The following SLC2A12 variants were observed in gnomAD, a reference collection of about 807,000 sequenced individuals.
SLC2A12 encodes the protein solute carrier family 2 member 12.
A neutral mutation model predicts 41.8 loss-of-function variants in SLC2A12; 23 were observed. That is an observed-to-expected ratio of 0.55 (90% CI 0.40 to 0.78). SLC2A12 has a LOEUF of 0.78. Among genes scored for constraint, SLC2A12 ranks in the 30% least tolerant of loss-of-function variants. The pLI is 0.00. For synonymous variants in SLC2A12, 295 were observed against 285.9 expected, an observed-to-expected ratio of 1.03 and a Z score of -0.32; for missense variants, 654 against 745.6, an observed-to-expected ratio of 0.88 and a Z score of 1.43.
intron 2 of SLC2A12, among the ~76,000 whole-genome samples, chr6:134,012,325 A>T (rs1008957428): frequency 1.3e-4 from 20 of 152,332 alleles, no homozygotes; most frequent in Non-Finnish European, 2.2e-4. Context: ...TTTTCAAAAA[A>T]ATATACTAAG....
rs1425285382 is a variant in SLC2A12 at position 133,987,629 on chromosome 6, T to C, written c.*3526A>G. On this transcript the variant is annotated 3_prime_UTR_variant, in exon 5 of 5. Transcript: ENST00000275230. ...GCTTCTTTTTGAAGTGTATTTTGTG[T>C]GTGTGTGTGTGTGTGTGTGTATATA... 6.9e-6 allele frequency: 1 copy of C among 144,464 alleles called. No homozygotes were observed. The highest frequency in any genetic ancestry group is 1.5e-5 in the Non-Finnish European group (1 of 66,736). 8.9% of individuals were successfully genotyped at this position (144,464 alleles called of 1,614,324 possible). A position where few individuals can be genotyped will look rare whatever the true frequency, so the allele number is the denominator to read the frequency against.
intron 1 of SLC2A12, among the ~76,000 whole-genome samples, chr6:134,039,024 A>G (rs1777345089): frequency 6.6e-6 from 1 of 152,032 alleles, no homozygotes; most frequent in South Asian, 2.1e-4. Flanking sequence ...CCTTTCTTCA[A>G]TTCAAAACTT....
At chr6:133,994,677 G>A (rs1041866895) in intron 4 of SLC2A12, among the ~76,000 whole-genome samples, 5 of 152,104 alleles carry the variant, frequency 3.3e-5, no homozygotes, top group African/African-American at 1.2e-4. Flanking sequence ...GCATTGAGCC[G>A]AGATGGCACT....
At chr6:134,010,938 A>G (rs1467192053) in intron 2 of SLC2A12, among the ~76,000 whole-genome samples, 2 of 152,022 alleles carry the variant, frequency 1.3e-5, no homozygotes, top group Non-Finnish European at 2.9e-5. Flanking sequence ...TTAACCTTCT[A>G]TGCCTTCAGA....
chr6:134,018,555 A>G (rs1450951630), intron 2 of SLC2A12, among the ~76,000 whole-genome samples: 1 of 152,014 alleles, frequency 6.6e-6, no homozygotes, highest in Admixed American at 6.6e-5. Context: ...CTCCTCCAAG[A>G]TTGTCACACT....
intron 1 of SLC2A12, among the ~76,000 whole-genome samples, chr6:134,049,536 C>T (rs1184664168): frequency 6.6e-6 from 1 of 152,200 alleles, no homozygotes; most frequent in Non-Finnish European, 1.5e-5. Flanking sequence ...GTGTGAGTTG[C>T]TCCATCCGTC....
At chr6:134,019,891 A>G (rs1477951608) in intron 2 of SLC2A12, among the ~76,000 whole-genome samples, 1 of 151,962 alleles carries the variant, frequency 6.6e-6, no homozygotes, top group Admixed American at 6.6e-5. Context: ...GCCTGGTGGT[A>G]GTGCACAACT....
chr6:133,995,863 T>C (rs1776680878), intron 4 of SLC2A12, among the ~76,000 whole-genome samples: 1 of 152,238 alleles, frequency 6.6e-6, no homozygotes, highest in Non-Finnish European at 1.5e-5. Context: ...ACAGCCTTCT[T>C]TCCATTTCTG....
intron 2 of SLC2A12, among the ~76,000 whole-genome samples, chr6:134,009,890 T>A (rs747722331): frequency 6.6e-6 from 1 of 152,006 alleles, no homozygotes; most frequent in Non-Finnish European, 1.5e-5. Flanking sequence ...GATTCCAGAT[T>A]GTAAAATCAC....
chr6:134,011,478 C>G (rs772546750), intron 2 of SLC2A12, among the ~76,000 whole-genome samples: 3 of 151,486 alleles, frequency 2.0e-5, no homozygotes, highest in Non-Finnish European at 2.9e-5. Flanking sequence ...CAAAAATTAG[C>G]CAGGTGTGGT....
chr6:134,041,351 G>A (rs951006261), intron 1 of SLC2A12, among the ~76,000 whole-genome samples: 2 of 152,146 alleles, frequency 1.3e-5, no homozygotes, highest in Non-Finnish European at 2.9e-5. Context: ...AGGCACAGTG[G>A]CTCACACCTG....
intron 4 of SLC2A12, among the ~76,000 whole-genome samples, chr6:133,991,600 C>T (rs1209916425): frequency 6.6e-6 from 1 of 152,072 alleles, no homozygotes; most frequent in Non-Finnish European, 1.5e-5. Context: ...GAGGTTTCAT[C>T]CCAGACCTTA....
rs752929854 is a variant in SLC2A12 at position 134,029,317 on chromosome 6, G to C, written c.508C>G (p.Leu170Val). ...CCGATGACAATCATCAGCTCATTCA[G>C]TGACACAAGAAGGCCTCTTCTGTGT... ...PQHRRGLLVS[L>V]NELMIVIGIL... Residue 170 changes from leucine (L) to valine (V), a missense_variant, in exon 2 of 5, where the codon CTG (leucine) becomes GTG (valine). Leu to Val is a conservative substitution (Grantham distance 32, BLOSUM62 1). Around this residue, in one of 3 missense-constraint regions of SLC2A12, gnomAD observed 411 missense variants for 412.1 expected, o/e 1.00. Coordinates refer to ENST00000275230, the MANE Select transcript of SLC2A12 (RefSeq NM_145176.3). 1.2e-6 allele frequency: 2 copies of C among 1,614,130 alleles called. No homozygotes were observed. The highest frequency in any genetic ancestry group is 2.2e-5 in the South Asian group (2 of 91,094).
intron 2 of SLC2A12, among the ~76,000 whole-genome samples, chr6:134,015,744 T>C (rs1776952076): frequency 6.6e-6 from 1 of 152,182 alleles, no homozygotes. Flanking sequence ...GGTCTTGAAA[T>C]GAAGCCACTA....
chr6:133,993,109 T>G (rs1562188572), intron 4 of SLC2A12, among the ~76,000 whole-genome samples: 2 of 152,186 alleles, frequency 1.3e-5, no homozygotes, highest in Non-Finnish European at 2.9e-5. Flanking sequence ...CAGTCCCTTT[T>G]AACACTCTCT....
intron 1 of SLC2A12, among the ~76,000 whole-genome samples, chr6:134,046,679 T>C (rs183440119): frequency 6.6e-6 from 1 of 151,938 alleles, no homozygotes; most frequent in Admixed American, 6.6e-5. Context: ...GGTGTGGTGG[T>C]GAGTGCCTGT....
rs561794555 is a variant in SLC2A12, at chr6:134,039,619, G to T, written c.104-9898C>A. Among the ~76,000 whole-genome samples the T allele has an allele frequency of 4.0e-5, 6 of 151,660 alleles. No individual in the cohort carries two copies. In the East Asian group the frequency reaches 1.2e-3, roughly 29 times the overall value. Reference sequence around the variant, plus strand: ...TTATGATATTTTTGACTGTGATACAGTTTTTTTTTAATCACAATTGATGTC... The same window carrying T: ...TTATGATATTTTTGACTGTGATACATTTTTTTTTTAATCACAATTGATGTC... On this transcript the variant is annotated intron_variant, in intron 1 of 4. Coordinates refer to ENST00000275230, the MANE Select transcript of SLC2A12 (RefSeq NM_145176.3).
chr6:134,044,944 G>T (rs892270620), intron 1 of SLC2A12, among the ~76,000 whole-genome samples: 1 of 152,148 alleles, frequency 6.6e-6, no homozygotes, highest in African/African-American at 2.4e-5. Context: ...ATTGCAATCA[G>T]CCTTCATGGT....
At chr6:134,041,719 G>T (rs1343875559) in intron 1 of SLC2A12, among the ~76,000 whole-genome samples, 1 of 152,118 alleles carries the variant, frequency 6.6e-6, no homozygotes, top group Non-Finnish European at 1.5e-5. Context: ...TATACATTAG[G>T]CTCCCCATTT....
Sources: allele counts gnomAD v4.1 joint callset (sites outside exome capture counted in the v4.1 genomes callset), GRCh38; gene constraint gnomAD v4.1.1; regional missense constraint gnomAD v4.1.1; transcripts MANE v1.5; gene names NCBI Gene and HGNC (gene_info 2026-07-23, HGNC 2026-07-21).